MYO1D: variants seen among roughly 807,000 people sequenced by gnomAD.
The protein encoded by MYO1D is myosin ID, also known as unconventional myosin-Id.
In MYO1D, 83 loss-of-function variants were observed where a neutral mutation model predicts 122.0. The observed-to-expected ratio is 0.68, with a 90% CI of 0.57 to 0.82. MYO1D has a LOEUF of 0.82. Among genes scored for constraint, MYO1D ranks in the 40% least tolerant of loss-of-function variants. The pLI, the probability that MYO1D is intolerant of heterozygous loss-of-function variation, is 0.00. For missense variants in MYO1D, 1,157 were observed against 1,269.5 expected, an observed-to-expected ratio of 0.91 and a Z score of 1.35; for synonymous variants, 464 against 446.9, an observed-to-expected ratio of 1.04 and a Z score of -0.48.
intron 21 of MYO1D, among the ~76,000 whole-genome samples, chr17:32,543,641 G>A (rs1221068963): frequency 2.0e-5 from 3 of 151,974 alleles, no homozygotes; most frequent in African/African-American, 7.3e-5. Flanking sequence ...AAAATGTGAG[G>A]GCTGCCATGC....
intron 16 of MYO1D, among the ~76,000 whole-genome samples, chr17:32,675,180 T>C (rs150690070): frequency 5.9e-4 from 90 of 152,334 alleles, no homozygotes; most frequent in African/African-American, 2.0e-3. Context: ...GCATGGTTTA[T>C]CATAACAGTG....
At chr17:32,715,105 C>T (rs1008730752) in intron 15 of MYO1D, among the ~76,000 whole-genome samples, 11 of 152,264 alleles carry the variant, frequency 7.2e-5, no homozygotes, top group Admixed American at 5.9e-4. Context: ...ATCAAAACCA[C>T]AATGAGATAA....
intron 21 of MYO1D, among the ~76,000 whole-genome samples, chr17:32,506,320 T>C (rs560375246): frequency 6.6e-6 from 1 of 152,254 alleles, no homozygotes; most frequent in South Asian, 2.1e-4. Context: ...AAATCCTGGA[T>C]AACAGCAGCA....
intron 21 of MYO1D, among the ~76,000 whole-genome samples, chr17:32,535,319 A>G (rs1461215945): frequency 6.6e-6 from 1 of 152,268 alleles, no homozygotes; most frequent in African/African-American, 2.4e-5. Flanking sequence ...ATTGCAGATT[A>G]AATTTTCACT....
intron 1 of MYO1D, among the ~76,000 whole-genome samples, chr17:32,809,789 G>A (rs762148184): frequency 6.6e-6 from 1 of 152,178 alleles, no homozygotes; most frequent in Non-Finnish European, 1.5e-5. Flanking sequence ...TCTGTGCTCA[G>A]CAATAATAGC....
At chr17:32,831,786 T>C (rs1439295930) in intron 1 of MYO1D, among the ~76,000 whole-genome samples, 1 of 152,232 alleles carries the variant, frequency 6.6e-6, no homozygotes, top group East Asian at 1.9e-4. Context: ...TTACATATTA[T>C]TCTTAAACAA....
intron 21 of MYO1D, among the ~76,000 whole-genome samples, chr17:32,587,595 C>T (rs2087401087): frequency 1.3e-5 from 2 of 151,830 alleles, no homozygotes; most frequent in African/African-American, 4.8e-5. Context: ...CCAAATTTAC[C>T]AAATTTGCAT....
intron 16 of MYO1D, among the ~76,000 whole-genome samples, chr17:32,678,254 CTT>C (rs67248492): frequency 6.7e-6 from 1 of 149,164 alleles, no homozygotes; most frequent in Non-Finnish European, 1.5e-5. Flanking sequence ...AAATATATTT[CTT>C]TTTTTTTTTC....
intron 1 of MYO1D, among the ~76,000 whole-genome samples, chr17:32,862,001 G>A (rs1479815907): frequency 1.3e-5 from 2 of 152,180 alleles, no homozygotes; most frequent in Non-Finnish European, 2.9e-5. Context: ...CTGGGCAATA[G>A]AGCCAGACCT....
intron 1 of MYO1D, among the ~76,000 whole-genome samples, chr17:32,861,452 A>G (rs1168562310): frequency 2.6e-5 from 4 of 152,232 alleles, no homozygotes; most frequent in African/African-American, 7.2e-5. Context: ...ACAAACATTC[A>G]GCCATCTCCC....
intron 20 of MYO1D, among the ~76,000 whole-genome samples, chr17:32,632,106 G>A (rs995067815): frequency 6.6e-6 from 1 of 152,162 alleles, no homozygotes; most frequent in African/African-American, 2.4e-5. Flanking sequence ...CCTTATAAGT[G>A]AGTGAGAAAT....
chr17:32,702,534 T>G (rs1412173382), intron 16 of MYO1D, among the ~76,000 whole-genome samples: 2 of 152,180 alleles, frequency 1.3e-5, no homozygotes, highest in African/African-American at 2.4e-5. Flanking sequence ...CTTTCACGTC[T>G]TTCCACAGAC....
At chr17:32,734,282 T>C (rs958775036) in intron 14 of MYO1D, among the ~76,000 whole-genome samples, 1 of 152,188 alleles carries the variant, frequency 6.6e-6, no homozygotes, top group African/African-American at 2.4e-5. Flanking sequence ...TTCAAATTCA[T>C]TGGCATATAG....
chr17:32,632,612 CACACACACACACACAT>C (rs1471328587), intron 20 of MYO1D: 10 of 150,210 alleles, frequency 6.7e-5, no homozygotes, highest in African/African-American at 2.2e-4. Context: ...CACACACACA[CACACACACACACACAT>C]ATATATATAT....
chr17:32,506,250 C>T (rs1454456847), intron 21 of MYO1D, among the ~76,000 whole-genome samples: 1 of 152,174 alleles, frequency 6.6e-6, no homozygotes, highest in African/African-American at 2.4e-5. Context: ...CCCAAATACA[C>T]ATTCACTATA....
intron 1 of MYO1D, among the ~76,000 whole-genome samples, chr17:32,871,906 T>C (rs2091182817): frequency 6.6e-6 from 1 of 152,154 alleles, no homozygotes; most frequent in South Asian, 2.1e-4. Flanking sequence ...AAGGAACCAA[T>C]GAGCTCCACA....
chr17:32,530,826 A>G (rs1303292011), intron 21 of MYO1D, among the ~76,000 whole-genome samples: 1 of 152,132 alleles, frequency 6.6e-6, no homozygotes, highest in Non-Finnish European at 1.5e-5. Flanking sequence ...TTTTTTAATA[A>G]AAGAGTATCT....
At chr17:32,875,307 C>T (rs2091218687) in intron 1 of MYO1D, among the ~76,000 whole-genome samples, 1 of 152,048 alleles carries the variant, frequency 6.6e-6, no homozygotes, top group Non-Finnish European at 1.5e-5. Context: ...TGTAACTTAC[C>T]CCTTTATCTA....
chr17:32,853,350 A>T (rs945512554), intron 1 of MYO1D, among the ~76,000 whole-genome samples: 1 of 152,202 alleles, frequency 6.6e-6, no homozygotes, highest in African/African-American at 2.4e-5. Context: ...CCCTAATTAA[A>T]ATCCTTCAAT....
Sources: allele counts gnomAD v4.1 joint callset (sites outside exome capture counted in the v4.1 genomes callset), GRCh38; gene constraint gnomAD v4.1.1; transcripts MANE v1.5; gene names NCBI Gene and HGNC (gene_info 2026-07-23, HGNC 2026-07-21).